The following DHTKD1 variants were observed in gnomAD, a reference collection of about 807,000 sequenced individuals.
The protein encoded by DHTKD1 is dehydrogenase E1 and transketolase domain containing 1.
In DHTKD1, 78 loss-of-function variants were observed where a neutral mutation model predicts 101.8. The ratio of observed to expected loss-of-function variants is 0.77; its 90% CI spans 0.64 to 0.93. The LOEUF (loss-of-function observed/expected upper bound fraction) is 0.93, where lower values mean the gene tolerates loss of function less well. DHTKD1 is among the 40% of genes least tolerant of loss of function. The probability of loss-of-function intolerance (pLI) is 0.00; values close to 1 mark genes in which losing one functional copy is unlikely to be tolerated. For synonymous variants in DHTKD1, 462 were observed against 450.3 expected (o/e 1.03, Z -0.33); for missense variants, 1,223 against 1,161.7 (o/e 1.05, Z -0.77).
In DHTKD1 at chr10:12,080,314, A is replaced by G. The variant is rs530292309; in HGVS notation, c.155-1158A>G. The stretch of plus-strand genomic sequence containing the variant: ...GACTCCGTCTCAAAAAAAAAAAAAA[A>G]AAAAAGTTGTGCTTTGGCAGTGCAT... On this transcript the variant is annotated intron_variant, in intron 1 of 16. Coordinates refer to ENST00000263035, the MANE Select transcript of DHTKD1 (RefSeq NM_018706.7). Among the ~76,000 whole-genome samples the G allele has an allele frequency of 4.5e-4, 69 of 152,012 alleles. 1 individual carries two copies. The South Asian group carries it at 0.014, about 31-fold the overall frequency.
At chr10:12,106,901 G>C (rs1833257520) in intron 11 of DHTKD1, among the ~76,000 whole-genome samples, 1 of 152,068 alleles carries the variant, frequency 6.6e-6, no homozygotes, top group African/African-American at 2.4e-5. Flanking sequence ...TCCAGAGACT[G>C]TTCTGTCGTG....
At chr10:12,106,426 G>C (rs1833248470) in intron 11 of DHTKD1, 30 bp downstream of exon 11, 1 of 1,610,626 alleles carries the variant, frequency 6.2e-7, no homozygotes, top group African/African-American at 1.3e-5. Context: ...GTGGGTACAG[G>C]TGGGGGTCCC....
chr10:12,118,774 G>A lies in DHTKD1; in HGVS notation c.2428G>A (p.Gly810Ser), dbSNP rs757252285. ...KKVKTLVFCS[G>S]KHFYSLVKQR... ...GGTTAAGACCCTCGTGTTCTGCTCC[G>A]GCAAACATTTCTACTCCCTGGTGAA... The change falls in exon 15 of 17, where the codon GGC (glycine) becomes AGC (serine). Residue 810 changes from glycine (G) to serine (S), a missense_variant. By Grantham distance (56) the Gly-to-Ser change is moderately conservative (BLOSUM62 0). Transcript: ENST00000263035. 1.3e-5 allele frequency: 21 copies of A among 1,590,786 alleles called. 1 individual carries two copies. The highest frequency in any genetic ancestry group is 5.7e-5 in the South Asian group (5 of 87,426).
intron 2 of DHTKD1, among the ~76,000 whole-genome samples, chr10:12,083,745 T>C (rs1832857250): frequency 6.6e-6 from 1 of 151,804 alleles, no homozygotes; most frequent in East Asian, 1.9e-4. Flanking sequence ...CACACACACA[T>C]ACAAAAGAAA....
In DHTKD1 at chr10:12,106,365, C is replaced by T. The variant is rs750587155; in HGVS notation, c.2016C>T (p.Ala672=). ...EAQFGDFFNG[A]QIIFDTFISG... ...AGTTTGGCGATTTCTTCAATGGTGCCCAGATCATCTTTGACACATTCATCT... is the reference window on the plus strand; with the variant it reads ...AGTTTGGCGATTTCTTCAATGGTGCTCAGATCATCTTTGACACATTCATCT... Residue 672 remains alanine (A), a synonymous_variant, in exon 11 of 17, where the codon GCC becomes GCT. Transcript: ENST00000263035. 34 of 1,614,028 alleles carry T rather than the reference C, an allele frequency of 2.1e-5. No individual in the cohort carries two copies. The highest frequency in any genetic ancestry group is 2.5e-5 in the Non-Finnish European group (30 of 1,180,036).
rs1036446621 is a variant in DHTKD1, at chr10:12,107,285, C to T, written c.2048-624C>T. Among the ~76,000 whole-genome samples, 15 of 151,460 alleles carry T rather than the reference C, an allele frequency of 9.9e-5. 1 individual carries two copies. The Middle Eastern group carries it at 0.01, about 105-fold the overall frequency. On this transcript the variant is annotated intron_variant, in intron 11 of 16. Coordinates refer to ENST00000263035, the MANE Select transcript of DHTKD1 (RefSeq NM_018706.7). This position sits in a 1 kb window ranked among gnomAD's most constrained non-coding sequence, Gnocchi z 4.1. ...ACGGGTGTGAGCCACTGTGCCCGGC[C>T]GGGAGCTGCCCATTCTTGTAAGAGT... is the stretch of plus-strand genomic sequence containing the variant.
In DHTKD1 at chr10:12,107,080, GT is replaced by G. The variant is rs1381164598; in HGVS notation, c.2047+687del. 6.6e-6 allele frequency among the ~76,000 whole-genome samples: 1 copy of G among 152,008 alleles called. No homozygotes were observed. The highest frequency in any genetic ancestry group is 1.5e-5 in the Non-Finnish European group (1 of 67,994). ...GCTCACTGCAAGCTCCGCCTACTGG[GT>G]TTGCACGATTCTCCTGCCTCAGCCT... On this transcript the variant is annotated intron_variant, in intron 11 of 16. Coordinates refer to ENST00000263035, the MANE Select transcript of DHTKD1 (RefSeq NM_018706.7). This position sits in a 1 kb window ranked among gnomAD's most constrained non-coding sequence, Gnocchi z 4.1.
chr10:12,094,840 C>T (rs1302899740), intron 7 of DHTKD1, among the ~76,000 whole-genome samples: 1 of 152,010 alleles, frequency 6.6e-6, no homozygotes, highest in Non-Finnish European at 1.5e-5. Context: ...GGGGTTTCGC[C>T]ATGTTGGCTA....
intron 13 of DHTKD1, among the ~76,000 whole-genome samples, chr10:12,114,957 T>G (rs1025783225): frequency 6.6e-6 from 1 of 151,654 alleles, no homozygotes; most frequent in Admixed American, 6.6e-5. Flanking sequence ...CACCACGACC[T>G]GCTAATTTTT....
Position 12,103,576 on chromosome 10 carries a change from T to C in DHTKD1, c.1896+2395T>C, listed in dbSNP as rs1405206299. 6.6e-6 allele frequency among the ~76,000 whole-genome samples: 1 copy of C among 150,676 alleles called. No individual in the cohort carries two copies. The highest frequency in any genetic ancestry group is 1.5e-5 in the Non-Finnish European group (1 of 67,718). On this transcript the variant is annotated intron_variant, in intron 10 of 16. Transcript: ENST00000263035. This position sits in a 1 kb window ranked among gnomAD's most constrained non-coding sequence, Gnocchi z 4.8. ...TGTTGCCTAGGCTGGAGTCCCACAG[T>C]GCAATTATAGCTCACTGTAGCCTCC...
At chr10:12,100,020 T>A (rs554670966) in intron 8 of DHTKD1, among the ~76,000 whole-genome samples, 158 bp from the exon 9 acceptor site, 240 of 152,122 alleles carry the variant, frequency 1.6e-3, no homozygotes, top group Non-Finnish European at 2.5e-3. Flanking sequence ...GGTCTTGAAC[T>A]CCTTACCTCA....
intron 13 of DHTKD1, among the ~76,000 whole-genome samples, chr10:12,115,509 G>A (rs906118650): frequency 3.9e-5 from 6 of 152,106 alleles, no homozygotes; most frequent in Non-Finnish European, 8.8e-5. Flanking sequence ...TTTGCACTAG[G>A]TACCTTACTT....
chr10:12,118,846 C>A lies in DHTKD1; in HGVS notation c.2500C>A (p.Arg834=). 1 of 1,608,476 alleles carries A rather than the reference C, an allele frequency of 6.2e-7. No homozygotes were observed. The change falls in exon 15 of 17, where the codon CGA becomes AGA. Residue 834 remains arginine, a synonymous_variant. Coordinates refer to ENST00000263035, the MANE Select transcript of DHTKD1 (RefSeq NM_018706.7). ...GAKKHDFAII[R]VEELCPFPLD... is the part of the protein sequence containing the mutation. ...CAAGAAGCATGACTTTGCCATCATCCGAGTAGAGGAACTCTGCCCCTTCCC... is the reference window on the plus strand; with the variant it reads ...CAAGAAGCATGACTTTGCCATCATCAGAGTAGAGGAACTCTGCCCCTTCCC...
At chr10:12,073,572 C>T (rs555566897) in intron 1 of DHTKD1, among the ~76,000 whole-genome samples, 19 of 152,218 alleles carry the variant, frequency 1.2e-4, no homozygotes, top group South Asian at 4.1e-4. Flanking sequence ...TCTTGAACTC[C>T]GGAGCTCAAG....
chr10:12,092,748 A>G (rs1833011273), intron 6 of DHTKD1, among the ~76,000 whole-genome samples: 1 of 152,032 alleles, frequency 6.6e-6, no homozygotes, highest in Non-Finnish European at 1.5e-5. Flanking sequence ...GGTTGCAGTG[A>G]GCCAAGATCA....
chr10:12,079,920 T>C (rs377461626), intron 1 of DHTKD1, among the ~76,000 whole-genome samples: 2 of 152,172 alleles, frequency 1.3e-5, no homozygotes, highest in East Asian at 1.9e-4. Context: ...GGTGTATGAG[T>C]GCAAACACAT....
Position 12,075,080 on chromosome 10 carries a change from C to T in DHTKD1, c.154+5893C>T, listed in dbSNP as rs551653309. Among the ~76,000 whole-genome samples the T allele has an allele frequency of 2.8e-4, 42 of 152,216 alleles. 1 individual carries two copies. In the South Asian group the frequency reaches 6.6e-3, roughly 24 times the overall value. On this transcript the variant is annotated intron_variant, in intron 1 of 16. Coordinates refer to ENST00000263035, the MANE Select transcript of DHTKD1 (RefSeq NM_018706.7). Reference sequence around the variant, plus strand: ...GAGCCGAGATGGTGCCACTGTACTCCGGCCTGTGTGACACAGCAAGACTTT... The same window carrying T: ...GAGCCGAGATGGTGCCACTGTACTCTGGCCTGTGTGACACAGCAAGACTTT...
At chr10:12,120,436 C>T in intron 16 of DHTKD1, 169 bp downstream of exon 16, 1 of 571,290 alleles carries the variant, frequency 1.8e-6, no homozygotes, top group Non-Finnish European at 3.1e-6. Flanking sequence ...CGGGTTCACG[C>T]CATTCTCCTG....
intron 7 of DHTKD1, among the ~76,000 whole-genome samples, chr10:12,096,610 A>G (rs1348847696): frequency 6.6e-6 from 1 of 152,172 alleles, no homozygotes; most frequent in Non-Finnish European, 1.5e-5. Flanking sequence ...TCGGCCTCCC[A>G]AAGTTCTGGG....
Sources: allele counts gnomAD v4.1 joint callset (sites outside exome capture counted in the v4.1 genomes callset), GRCh38; gene constraint gnomAD v4.1.1; non-coding constraint Gnocchi (gnomAD v3.1); transcripts MANE v1.5; gene names NCBI Gene and HGNC (gene_info 2026-07-23, HGNC 2026-07-21).